PRKCA: variants seen among roughly 807,000 people sequenced by gnomAD.
PRKCA encodes protein kinase C alpha.
In PRKCA, 27 loss-of-function variants were observed where a neutral mutation model predicts 87.0. The ratio of observed to expected loss-of-function variants is 0.31; its 90% CI spans 0.23 to 0.43. The LOEUF is 0.43. Ranked by LOEUF, PRKCA falls within the 20% of genes least tolerant of loss-of-function variation. PRKCA has a pLI of 1.00. For missense variants in PRKCA, 518 were observed against 852.3 expected (o/e 0.61, Z 4.88); for synonymous variants, 329 against 311.1 (o/e 1.06, Z -0.61).
chr17:66,583,653 G>A (rs567456378), intron 3 of PRKCA, among the ~76,000 whole-genome samples: 26 of 151,608 alleles, frequency 1.7e-4, no homozygotes, highest in African/African-American at 4.4e-4. Context: ...TTAATTATTC[G>A]AATGGAGAAA....
intron 3 of PRKCA, among the ~76,000 whole-genome samples, chr17:66,505,830 C>A (rs1375158081): frequency 6.6e-6 from 1 of 151,476 alleles, no homozygotes; most frequent in Admixed American, 6.6e-5. Flanking sequence ...GTCTCCGGGG[C>A]ACTTTTATTT....
intron 2 of PRKCA, among the ~76,000 whole-genome samples, chr17:66,337,997 T>A (rs1257503688): frequency 6.6e-6 from 1 of 150,504 alleles, no homozygotes; most frequent in African/African-American, 2.5e-5. Context: ...AACCTGGGAA[T>A]CTTCCCCCCC....
intron 2 of PRKCA, among the ~76,000 whole-genome samples, chr17:66,338,953 G>T (rs1027656827): frequency 2.0e-5 from 3 of 152,130 alleles, no homozygotes; most frequent in African/African-American, 7.2e-5. Flanking sequence ...ACATACTTGT[G>T]CCCACACAGG....
At chr17:66,383,247 C>G (rs1909869289) in intron 2 of PRKCA, among the ~76,000 whole-genome samples, 1 of 151,988 alleles carries the variant, frequency 6.6e-6, no homozygotes, top group Non-Finnish European at 1.5e-5. Flanking sequence ...TATTATTTTT[C>G]TAAGTGGTGA....
At chr17:66,587,931 A>ATATAT (rs1969673908) in intron 3 of PRKCA, among the ~76,000 whole-genome samples, 2 of 123,542 alleles carry the variant, frequency 1.6e-5, no homozygotes, top group Non-Finnish European at 1.6e-5. Flanking sequence ...ATATATATAT[A>ATATAT]TCCTGCAGTA....
intron 3 of PRKCA, among the ~76,000 whole-genome samples, chr17:66,514,065 A>G (rs964339479): frequency 5.9e-5 from 9 of 152,234 alleles, no homozygotes; most frequent in African/African-American, 2.2e-4. Flanking sequence ...CTTTTATTAC[A>G]TACAGTATAT....
chr17:66,587,730 C>T (rs1318612952), intron 3 of PRKCA, among the ~76,000 whole-genome samples: 6 of 77,306 alleles, frequency 7.8e-5, no homozygotes, highest in Non-Finnish European at 1.0e-4. Flanking sequence ...TATATGTATA[C>T]ATATATACGT....
chr17:66,377,014 GATTTATTT>G (rs142218103), intron 2 of PRKCA, among the ~76,000 whole-genome samples: 4 of 150,830 alleles, frequency 2.7e-5, no homozygotes, highest in South Asian at 2.1e-4. Flanking sequence ...AAAGCCTCCG[GATTTATTT>G]ATTTATTTAT....
At chr17:66,764,589 T>TA (rs1974756742) in intron 13 of PRKCA, among the ~76,000 whole-genome samples, 1 of 152,230 alleles carries the variant, frequency 6.6e-6, no homozygotes, top group Non-Finnish European at 1.5e-5. Context: ...CTTGTAAGTA[T>TA]AATAATAATG....
At chr17:66,548,133 GT>G (rs1258083270) in intron 3 of PRKCA, among the ~76,000 whole-genome samples, 2 of 152,164 alleles carry the variant, frequency 1.3e-5, no homozygotes, top group African/African-American at 4.8e-5. Context: ...GCTGATTCTT[GT>G]TCGGGGGGAT....
At chr17:66,342,818 G>A (rs1425260578) in intron 2 of PRKCA, among the ~76,000 whole-genome samples, 2 of 152,088 alleles carry the variant, frequency 1.3e-5, no homozygotes, top group African/African-American at 2.4e-5. Context: ...TATTTTGTTA[G>A]AGTCAAGAAA....
chr17:66,773,997 A>ATCAGC lies in PRKCA; in HGVS notation c.1536_1540dup (p.Pro514LeufsTer61), dbSNP rs780320816. 5 of 1,613,864 alleles carry ATCAGC rather than the reference A, an allele frequency of 3.1e-6. No individual in the cohort carries two copies. The highest frequency in any genetic ancestry group is 4.2e-6 in the Non-Finnish European group (5 of 1,179,928). On this transcript the variant is annotated frameshift_variant, in exon 14 of 17. Coordinates refer to ENST00000413366, the MANE Select transcript of PRKCA (RefSeq NM_002737.3). LOFTEE classifies it high-confidence loss of function. ...TTTGTTTTCACACAGATAATCGCTTATCAGCCGTATGGAAAATCTGTGGAC... is the reference window on the plus strand; with the variant it reads ...TTTGTTTTCACACAGATAATCGCTTATCAGCTCAGCCGTATGGAAAATCTGTGGAC...
At chr17:66,706,811 C>T (rs542814978) in intron 8 of PRKCA, among the ~76,000 whole-genome samples, 3 of 152,308 alleles carry the variant, frequency 2.0e-5, no homozygotes, top group African/African-American at 2.4e-5. Flanking sequence ...TTTGCTACCA[C>T]GGCAGAGTTG....
intron 3 of PRKCA, among the ~76,000 whole-genome samples, chr17:66,627,424 CTGT>C (rs1014948272): frequency 1.3e-5 from 2 of 152,100 alleles, no homozygotes; most frequent in African/African-American, 4.8e-5. Context: ...GTGTTGCCTT[CTGT>C]TGTTTAAAGA....
intron 8 of PRKCA, among the ~76,000 whole-genome samples, chr17:66,718,753 AG>A (rs1220039206): frequency 6.6e-6 from 1 of 152,226 alleles, no homozygotes; most frequent in Admixed American, 6.5e-5. Context: ...TGTGAATTTG[AG>A]GGAGACACAT....
intron 8 of PRKCA, among the ~76,000 whole-genome samples, chr17:66,715,939 C>A (rs1054224145): frequency 1.3e-5 from 2 of 152,144 alleles, no homozygotes; most frequent in African/African-American, 2.4e-5. Flanking sequence ...TCCATGACAC[C>A]TGCACACAAC....
At chr17:66,323,456 G>A (rs1905799385) in intron 2 of PRKCA, among the ~76,000 whole-genome samples, 1 of 152,214 alleles carries the variant, frequency 6.6e-6, no homozygotes, top group African/African-American at 2.4e-5. Flanking sequence ...AATGGTTTAT[G>A]TTAAATTTTG....
chr17:66,345,453 G>A (rs1021696112), intron 2 of PRKCA, among the ~76,000 whole-genome samples: 19 of 152,118 alleles, frequency 1.2e-4, no homozygotes, highest in Non-Finnish European at 1.6e-4. Flanking sequence ...TGCCTAATTA[G>A]TTTTATAAGG....
intron 2 of PRKCA, among the ~76,000 whole-genome samples, chr17:66,404,688 C>CCTCAGT (rs1351845962): frequency 6.7e-6 from 1 of 149,076 alleles, no homozygotes; most frequent in African/African-American, 2.5e-5. Flanking sequence ...TGCCTTGGCT[C>CCTCAGT]CTCAGTCTCT....
Sources: allele counts gnomAD v4.1 joint callset (sites outside exome capture counted in the v4.1 genomes callset), GRCh38; gene constraint gnomAD v4.1.1; transcripts MANE v1.5; gene names NCBI Gene and HGNC (gene_info 2026-07-23, HGNC 2026-07-21).